Variants in VNN1 observed in about 807,000 individuals in gnomAD.
VNN1 encodes vanin 1.
A neutral mutation model predicts 41.9 loss-of-function variants in VNN1; 29 were observed. The observed-to-expected ratio is 0.69, with a 90% CI of 0.52 to 0.94. The LOEUF (loss-of-function observed/expected upper bound fraction) is 0.94. Ranked by LOEUF, VNN1 falls within the 40% of genes least tolerant of loss-of-function variation. The pLI is 0.00. For synonymous variants in VNN1, 233 were observed against 224.4 expected (o/e 1.04, Z -0.34); for missense variants, 637 against 621.1 (o/e 1.03, Z -0.27).
chr6:132,685,009 T>C (rs1025202759), intron 5 of VNN1, among the ~76,000 whole-genome samples: 3 of 152,224 alleles, frequency 2.0e-5, no homozygotes, highest in Admixed American at 6.5e-5. Context: ...TTATCAAGAA[T>C]TTAAAATGTG....
At chr6:132,706,956 G>A (rs766214897) in intron 2 of VNN1, among the ~76,000 whole-genome samples, 12 of 151,158 alleles carry the variant, frequency 7.9e-5, no homozygotes, top group Non-Finnish European at 8.8e-5. Context: ...ACCGGGCATG[G>A]TGATTCACAC....
chr6:132,702,703 G>A (rs1778465072), intron 2 of VNN1, among the ~76,000 whole-genome samples: 1 of 152,188 alleles, frequency 6.6e-6, no homozygotes, highest in Non-Finnish European at 1.5e-5. Flanking sequence ...AAAGCACCAA[G>A]TAGAGTACTG....
intron 5 of VNN1, 36 bp downstream of exon 5, chr6:132,692,182 CTTTAT>C (rs768400875): frequency 1.3e-6 from 2 of 1,506,824 alleles, no homozygotes; most frequent in Non-Finnish European, 1.8e-6. Context: ...AACTGAGTGT[CTTTAT>C]TTTATCCAGT....
Position 132,692,440 on chromosome 6 carries a change from T to C in VNN1, c.971A>G (p.Glu324Gly). 6.2e-7 allele frequency: 1 copy of C among 1,614,162 alleles called. No homozygotes were observed. The highest frequency in any genetic ancestry group is 1.1e-5 in the South Asian group (1 of 91,086). The change falls in exon 5 of 7, where the codon GAA (glutamate) becomes GGA (glycine). Residue 324 changes from glutamate to glycine, a missense_variant. Physicochemically the swap from Glu to Gly is moderately conservative, Grantham distance 98. Transcript: ENST00000367928. The stretch of plus-strand genomic sequence containing the variant: ...TTCCTTGTTTCCTGATGAGAGCGCT[T>C]CTATACTGCTGGCATAGGAAGTCCA... ...VNWTSYASSI[E>G]ALSSGNKEFK...
At chr6:132,708,199 CAA>C (rs995258831) in intron 2 of VNN1, among the ~76,000 whole-genome samples, 8 of 152,172 alleles carry the variant, frequency 5.3e-5, no homozygotes, top group East Asian at 1.9e-4. Flanking sequence ...ATGATGCAAT[CAA>C]AGTGTCTGAA....
rs1778152931 is a variant in VNN1 at position 132,683,188 on chromosome 6, T to C, written c.1494A>G (p.Ile498Met). The change falls in exon 7 of 7, where the codon ATA becomes ATG. Residue 498 changes from isoleucine (I) to methionine (M), a missense_variant. Physicochemically the swap from Ile to Met is conservative, Grantham distance 10. Transcript: ENST00000367928. ...ASSGLTAQAR[I>M]IMLIVIAPIV... ...TAGGTGCTATAACTATTAGCATTATTATTCTTGCTTGTGCTGTGAGGCCTG... is the reference window on the plus strand; with the variant it reads ...TAGGTGCTATAACTATTAGCATTATCATTCTTGCTTGTGCTGTGAGGCCTG... The C allele has an allele frequency of 6.2e-7, 1 of 1,613,948 alleles. No homozygotes were observed. Among genetic ancestry groups the C allele is most frequent in the African/African-American group, 1.3e-5 (1 of 74,924 alleles).
chr6:132,690,687 C>A (rs909490896), intron 5 of VNN1, among the ~76,000 whole-genome samples: 1 of 152,158 alleles, frequency 6.6e-6, no homozygotes, highest in African/African-American at 2.4e-5. Context: ...TAAATAAATA[C>A]CTGGCATATA....
chr6:132,712,621 C>T (rs1460567048), intron 1 of VNN1, among the ~76,000 whole-genome samples: 1 of 152,100 alleles, frequency 6.6e-6, no homozygotes, highest in African/African-American at 2.4e-5. Context: ...CTCCTCTGCC[C>T]TAGCTTTCCC....
intron 4 of VNN1, 95 bp downstream of exon 4, chr6:132,692,929 G>C: frequency 7.5e-7 from 1 of 1,335,078 alleles, no homozygotes; most frequent in South Asian, 1.6e-5. Flanking sequence ...GGAAAACATT[G>C]TATTAAGGAG....
intron 5 of VNN1, 27 bp downstream of exon 5, chr6:132,692,196 G>T: frequency 6.6e-7 from 1 of 1,515,940 alleles, no homozygotes; most frequent in African/African-American, 1.4e-5. Flanking sequence ...ATTTTATCCA[G>T]TAACTCTTCT....
chr6:132,704,586 A>G (rs557100840), intron 2 of VNN1, among the ~76,000 whole-genome samples: 14 of 152,094 alleles, frequency 9.2e-5, no homozygotes, highest in Non-Finnish European at 1.6e-4. Flanking sequence ...GTTTATAGCT[A>G]TAAGTGCCTA....
chr6:132,709,650 A>AGT (rs1337311511), intron 2 of VNN1, among the ~76,000 whole-genome samples: 2 of 134,224 alleles, frequency 1.5e-5, no homozygotes, highest in South Asian at 2.4e-4. Context: ...GGCGACACAG[A>AGT]GTCTCTCTCT....
At chr6:132,706,416 T>A (rs532498768) in intron 2 of VNN1, among the ~76,000 whole-genome samples, 1 of 152,246 alleles carries the variant, frequency 6.6e-6, no homozygotes, top group South Asian at 2.1e-4. Context: ...AAGGACAGTT[T>A]TTTCAATAAA....
chr6:132,687,432 G>A (rs923057644), intron 5 of VNN1, among the ~76,000 whole-genome samples: 12 of 152,204 alleles, frequency 7.9e-5, no homozygotes, highest in African/African-American at 2.9e-4. Context: ...CAGAAAACAG[G>A]AAATCCACAC....
In VNN1 at chr6:132,683,302, C is replaced by G. The variant is rs760779434; in HGVS notation, c.1380G>C (p.Leu460Phe). 3.1e-6 allele frequency: 5 copies of G among 1,613,682 alleles called. No individual in the cohort carries two copies. The highest frequency in any genetic ancestry group is 4.2e-6 in the Non-Finnish European group (5 of 1,179,896). ...GEFQVSTDGR[L>F]FSLKPTSGPV... ...GTCCGGATGTTGGCTTCAGACTAAACAAGCGTCCGTCAGTTGACACCTGAT... is the reference window on the plus strand; with the variant it reads ...GTCCGGATGTTGGCTTCAGACTAAAGAAGCGTCCGTCAGTTGACACCTGAT... Residue 460 changes from leucine to phenylalanine, a missense_variant, in exon 7 of 7, where the codon TTG becomes TTC. Physicochemically the swap from Leu to Phe is conservative, Grantham distance 22. Coordinates refer to ENST00000367928, the MANE Select transcript of VNN1 (RefSeq NM_004666.3).
At chr6:132,706,722 C>T (rs1407709113) in intron 2 of VNN1, among the ~76,000 whole-genome samples, 1 of 151,944 alleles carries the variant, frequency 6.6e-6, no homozygotes, top group Non-Finnish European at 1.5e-5. Context: ...AAGAGACAAC[C>T]CACAGATTGG....
At chr6:132,708,647 A>C (rs1207642247) in intron 2 of VNN1, among the ~76,000 whole-genome samples, 1 of 152,196 alleles carries the variant, frequency 6.6e-6, no homozygotes, top group Non-Finnish European at 1.5e-5. Context: ...CCAGTCTTTC[A>C]ACAAAACCTG....
chr6:132,685,103 G>A (rs1042929411), intron 5 of VNN1, among the ~76,000 whole-genome samples: 1 of 152,190 alleles, frequency 6.6e-6, no homozygotes, highest in Non-Finnish European at 1.5e-5. Context: ...GTTGTAATGA[G>A]CCCTAGAGTT....
In VNN1 at chr6:132,686,373, G is replaced by A. The variant is rs192803892; in HGVS notation, c.1189-1868C>T. Reference sequence around the variant, plus strand: ...TGAGGCAGGAGAATTGCTTGAACCCGGGAGGCAGAGGTTGCAGTGAGCGGA... The same window carrying A: ...TGAGGCAGGAGAATTGCTTGAACCCAGGAGGCAGAGGTTGCAGTGAGCGGA... On this transcript the variant is annotated intron_variant, in intron 5 of 6. Transcript: ENST00000367928. Among the ~76,000 whole-genome samples the A allele has an allele frequency of 1.0e-3, 154 of 152,208 alleles. 1 individual carries two copies. The highest frequency in any genetic ancestry group is 2.2e-3 in the Admixed American group (33 of 15,302).
Sources: allele counts gnomAD v4.1 joint callset (sites outside exome capture counted in the v4.1 genomes callset), GRCh38; gene constraint gnomAD v4.1.1; transcripts MANE v1.5; gene names NCBI Gene and HGNC (gene_info 2026-07-23, HGNC 2026-07-21).